The following VTI1A variants were observed in gnomAD, a reference collection of about 807,000 sequenced individuals.
VTI1A encodes the protein vesicle transport through interaction with t-SNAREs homolog 1A.
VTI1A carries 22 observed loss-of-function variants against 34.9 expected under a neutral mutation model. The observed-to-expected ratio is 0.63, with a 90% CI of 0.45 to 0.90. VTI1A has a LOEUF of 0.90. Ranked by LOEUF, VTI1A falls within the 40% of genes least tolerant of loss-of-function variation. The pLI is 0.00. For synonymous variants in VTI1A, 87 were observed against 97.3 expected (o/e 0.89, Z 0.62); for missense variants, 268 against 275.6 (o/e 0.97, Z 0.20).
At chr10:112,852,482 G>C in the VTI1A span, among the ~76,000 whole-genome samples, 1 of 152,208 alleles carries the variant, frequency 6.6e-6, no homozygotes, top group East Asian at 1.9e-4. Context: ...TTTCTAAGCA[G>C]TGCCAGCATC....
chr10:112,586,428 A>G (rs940161274), intron 5 of VTI1A, among the ~76,000 whole-genome samples: 3 of 152,316 alleles, frequency 2.0e-5, no homozygotes, highest in South Asian at 2.1e-4. Flanking sequence ...CTGAGAAGGA[A>G]TAAGTGAACA....
the VTI1A span, among the ~76,000 whole-genome samples, chr10:112,849,797 C>T: frequency 6.6e-6 from 1 of 152,200 alleles, no homozygotes; most frequent in Non-Finnish European, 1.5e-5. Context: ...GGCATCATTA[C>T]CATATTTTGT....
At chr10:112,464,740 A>G (rs1589797690) in intron 3 of VTI1A, 83 bp downstream of exon 3, 1 of 1,242,704 alleles carries the variant, frequency 8.0e-7, no homozygotes, top group East Asian at 2.5e-5. Flanking sequence ...TTAAATGCAC[A>G]GTCTTTTGGG....
intron 3 of VTI1A, among the ~76,000 whole-genome samples, chr10:112,497,590 G>A (rs1353183851): frequency 6.6e-6 from 1 of 152,100 alleles, no homozygotes; most frequent in Non-Finnish European, 1.5e-5. Context: ...TATTATTTTT[G>A]TCTGACACAA....
chr10:112,642,308 C>T (rs1241403994), intron 5 of VTI1A, among the ~76,000 whole-genome samples: 1 of 152,090 alleles, frequency 6.6e-6, no homozygotes, highest in Non-Finnish European at 1.5e-5. Context: ...AATGCACTTT[C>T]GAGCAGCTGA....
chr10:112,627,635 A>C (rs1285803801), intron 5 of VTI1A, among the ~76,000 whole-genome samples: 3 of 152,130 alleles, frequency 2.0e-5, no homozygotes, highest in Non-Finnish European at 2.9e-5. Flanking sequence ...ATATGTGTCA[A>C]TATATATGCA....
intron 5 of VTI1A, among the ~76,000 whole-genome samples, chr10:112,612,912 C>T (rs1251980560): frequency 2.5e-5 from 3 of 122,414 alleles, no homozygotes. Context: ...AGTCACTTCT[C>T]AATGTTTGCC....
At chr10:112,722,089 C>G (rs1190620732) in intron 7 of VTI1A, among the ~76,000 whole-genome samples, 1 of 152,182 alleles carries the variant, frequency 6.6e-6, no homozygotes, top group Non-Finnish European at 1.5e-5. Flanking sequence ...CTGATACACT[C>G]TTATCCTGCA....
In VTI1A at chr10:112,538,231, CT is replaced by C; in HGVS notation, c.343-10del. 1.2e-6 allele frequency: 2 copies of C among 1,604,586 alleles called. No homozygotes were observed. Among genetic ancestry groups the C allele is most frequent in the South Asian group, 1.1e-5 (1 of 89,354 alleles). ...ACGGCCGTCTGATTTTTTTTTCCCC[CT>C]TTTTCTTTTTCAGAGGGCACATCTG... is the stretch of plus-strand genomic sequence containing the variant. On this transcript the variant is annotated splice_polypyrimidine_tract_variant and intron_variant, in intron 4 of 7. Transcript: ENST00000393077.
At chr10:112,759,518 G>C (rs548409887) in intron 7 of VTI1A, among the ~76,000 whole-genome samples, 3 of 152,122 alleles carry the variant, frequency 2.0e-5, no homozygotes, top group Non-Finnish European at 4.4e-5. Context: ...GCGACACTGC[G>C]TTAGAAAGTA....
intron 5 of VTI1A, among the ~76,000 whole-genome samples, chr10:112,561,582 A>G (rs969630819): frequency 6.6e-6 from 1 of 152,212 alleles, no homozygotes; most frequent in African/African-American, 2.4e-5. Flanking sequence ...TGTAAGCATC[A>G]TCAGTTCATA....
At chr10:112,561,558 C>T (rs1307033076) in intron 5 of VTI1A, among the ~76,000 whole-genome samples, 3 of 152,228 alleles carry the variant, frequency 2.0e-5, no homozygotes, top group South Asian at 2.1e-4. Flanking sequence ...TACTTAAATT[C>T]ATCAACATGA....
chr10:112,509,761 C>G (rs1849547228), intron 3 of VTI1A, among the ~76,000 whole-genome samples: 1 of 152,214 alleles, frequency 6.6e-6, no homozygotes, highest in African/African-American at 2.4e-5. Context: ...TGGTCAGCAG[C>G]TGTTTATTGA....
chr10:112,694,767 G>A (rs879774247), intron 7 of VTI1A, among the ~76,000 whole-genome samples: 9 of 152,074 alleles, frequency 5.9e-5, no homozygotes, highest in South Asian at 2.1e-4. Context: ...TCAGGAGTTC[G>A]AGACTAGCCT....
the VTI1A span, among the ~76,000 whole-genome samples, chr10:112,840,642 C>T: frequency 2.4e-4 from 37 of 152,314 alleles, no homozygotes; most frequent in East Asian, 6.2e-3. Context: ...TGCCTGCTTG[C>T]CCAAGAGTTT....
chr10:112,496,873 A>G (rs1849043861), intron 3 of VTI1A, among the ~76,000 whole-genome samples: 1 of 152,166 alleles, frequency 6.6e-6, no homozygotes, highest in African/African-American at 2.4e-5. Flanking sequence ...TCTAACCAAT[A>G]CAACTGCCAG....
At chr10:112,694,739 C>T (rs1033518326) in intron 7 of VTI1A, among the ~76,000 whole-genome samples, 1 of 152,022 alleles carries the variant, frequency 6.6e-6, no homozygotes, top group Non-Finnish European at 1.5e-5. Flanking sequence ...GAGGCGGAGG[C>T]GGGCAGATCA....
intron 3 of VTI1A, among the ~76,000 whole-genome samples, chr10:112,523,064 G>A (rs1453217312): frequency 1.3e-5 from 2 of 151,992 alleles, no homozygotes; most frequent in African/African-American, 4.8e-5. Flanking sequence ...TACAGGAGGC[G>A]GTACCACAGA....
the VTI1A span, among the ~76,000 whole-genome samples, chr10:112,848,919 G>A: frequency 6.6e-6 from 1 of 152,156 alleles, no homozygotes; most frequent in Non-Finnish European, 1.5e-5. Flanking sequence ...TTCATGGTTG[G>A]TAGCCATGAT....
Sources: allele counts gnomAD v4.1 joint callset (sites outside exome capture counted in the v4.1 genomes callset), GRCh38; gene constraint gnomAD v4.1.1; transcripts MANE v1.5; gene names NCBI Gene and HGNC (gene_info 2026-07-23, HGNC 2026-07-21).